Variants in GPR89B observed in about 807,000 individuals in gnomAD.
The protein encoded by GPR89B is golgi pH regulator B.
Under a neutral mutation model 52.4 loss-of-function variants are expected in GPR89B, and 25 were observed. The ratio of observed to expected loss-of-function variants is 0.48; its 90% CI spans 0.35 to 0.67. The LOEUF (loss-of-function observed/expected upper bound fraction) is 0.67, where lower values mean the gene tolerates loss of function less well. Ranked by LOEUF, GPR89B falls within the 30% of genes least tolerant of loss-of-function variation. The pLI is 0.01. For missense variants in GPR89B, 146 were observed against 450.2 expected (o/e 0.32, Z 6.11); for synonymous variants, 52 against 151.2 (o/e 0.34, Z 4.81).
At chr1:148,013,662 C>T in the GPR89B span, among the ~76,000 whole-genome samples, 1 of 152,028 alleles carries the variant, frequency 6.6e-6, no homozygotes, top group African/African-American at 2.4e-5. Context: ...CCAGGAGGAG[C>T]GAGGAGTCCT....
chr1:147,989,575 TC>T (rs1183191509), intron 12 of GPR89B, among the ~76,000 whole-genome samples: 2 of 151,818 alleles, frequency 1.3e-5, no homozygotes, highest in Admixed American at 1.3e-4. Flanking sequence ...ATGCTGTCCC[TC>T]CCCCCTTCCC....
At chr1:148,015,683 G>A in the GPR89B span, among the ~76,000 whole-genome samples, 1 of 149,608 alleles carries the variant, frequency 6.7e-6, no homozygotes, top group Non-Finnish European at 1.5e-5. Flanking sequence ...CTTTCCATAC[G>A]CTTTTGAAGT....
chr1:147,931,951 T>G (rs1204594432), intron 1 of GPR89B, among the ~76,000 whole-genome samples: 17 of 152,192 alleles, frequency 1.1e-4, no homozygotes. Context: ...TCTTTGTCAA[T>G]GTGAAAGGAG....
intron 5 of GPR89B, among the ~76,000 whole-genome samples, chr1:147,948,115 G>T (rs1655165130): frequency 6.6e-6 from 1 of 151,118 alleles, no homozygotes; most frequent in Admixed American, 6.6e-5. Flanking sequence ...ATCAAGGAGT[G>T]AACAGGTTGC....
At position 147,983,799 on chromosome 1, in the gene GPR89B, C is replaced by T. The variant is rs1347299861; in HGVS notation, c.910-2400C>T. 9.8e-3 allele frequency among the ~76,000 whole-genome samples: 1,494 copies of T among 151,926 alleles called. 21 individuals carry two copies. Among genetic ancestry groups the T allele is most frequent in the African/African-American group, 0.034 (1,428 of 41,406 alleles). On this transcript the variant is annotated intron_variant, in intron 10 of 13. Transcript: ENST00000314163. Reference sequence around the variant, plus strand: ...CTTCAGGGATCTAGAACTAGAAATACCATTTGACCCAGCCATCCCATTACT... The same window carrying T: ...CTTCAGGGATCTAGAACTAGAAATATCATTTGACCCAGCCATCCCATTACT...
the GPR89B span, chr1:148,024,814 G>A: frequency 6.6e-6 from 1 of 152,062 alleles, no homozygotes; most frequent in Non-Finnish European, 1.5e-5. Context: ...GGGACAGGGT[G>A]AATGGAAAAC....
At chr1:147,975,881 A>G (rs2149083288) in intron 10 of GPR89B, among the ~76,000 whole-genome samples, 1 of 152,174 alleles carries the variant, frequency 6.6e-6, no homozygotes, top group East Asian at 1.9e-4. Flanking sequence ...GTATCAAATA[A>G]CTTCTTGATT....
rs1283068786 is a variant in GPR89B at position 147,985,120 on chromosome 1, T to C, written c.910-1079T>C. Among the ~76,000 whole-genome samples the C allele has an allele frequency of 4.0e-3, 615 of 152,346 alleles. 4 individuals are homozygous for C. The highest frequency in any genetic ancestry group is 0.014 in the African/African-American group (579 of 41,570). ...TTTTTTATTTCTGTCAGTTTTGCTTTACGTATTTTGAAGCTCTGTCATTAG... is the reference window on the plus strand; with the variant it reads ...TTTTTTATTTCTGTCAGTTTTGCTTCACGTATTTTGAAGCTCTGTCATTAG... On this transcript the variant is annotated intron_variant, in intron 10 of 13. Transcript: ENST00000314163.
chr1:147,951,738 C>A (rs1412543603), intron 5 of GPR89B, among the ~76,000 whole-genome samples: 3 of 151,796 alleles, frequency 2.0e-5, no homozygotes, highest in Non-Finnish European at 2.9e-5. Context: ...TGCTTACCCC[C>A]CTGGCAGAAA....
At chr1:147,991,659 G>A (rs1228242727) in intron 12 of GPR89B, among the ~76,000 whole-genome samples, 2 of 152,126 alleles carry the variant, frequency 1.3e-5, no homozygotes, top group African/African-American at 4.8e-5. Context: ...AGCATGAAGG[G>A]CTGTTGAATT....
the GPR89B span, among the ~76,000 whole-genome samples, chr1:147,999,139 A>AG: frequency 1.3e-5 from 2 of 151,302 alleles, no homozygotes; most frequent in East Asian, 3.9e-4. Context: ...TAAGATCAGG[A>AG]GGGGTCAGAA....
chr1:148,012,435 C>A, the GPR89B span, among the ~76,000 whole-genome samples: 2 of 151,794 alleles, frequency 1.3e-5, no homozygotes, highest in Non-Finnish European at 2.9e-5. Flanking sequence ...CCTTCCTTAC[C>A]CTCTCCTGGC....
At chr1:147,963,394 T>A (rs868913993) in intron 7 of GPR89B, among the ~76,000 whole-genome samples, 2,128 of 124,518 alleles carry the variant, frequency 0.017, no homozygotes, top group African/African-American at 0.065. Flanking sequence ...AAAAAAAAAA[T>A]ACTGTTAAGA....
At chr1:148,009,594 T>C in the GPR89B span, 3 of 1,421,588 alleles carry the variant, frequency 2.1e-6, no homozygotes, top group African/African-American at 2.9e-5. Flanking sequence ...ATCCACAACC[T>C]AGGAGGGAAG....
intron 2 of GPR89B, among the ~76,000 whole-genome samples, chr1:147,937,960 A>G (rs1553248244): frequency 6.6e-6 from 1 of 152,230 alleles, no homozygotes; most frequent in African/African-American, 2.4e-5. Context: ...AATCTTCACA[A>G]TTTATGTTCA....
chr1:147,945,798 C>T (rs1281226171), intron 5 of GPR89B, among the ~76,000 whole-genome samples: 1 of 150,758 alleles, frequency 6.6e-6, no homozygotes. Context: ...GATCTTGGCT[C>T]ACTGCAACCT....
At chr1:147,991,176 T>C (rs1268213811) in intron 12 of GPR89B, among the ~76,000 whole-genome samples, 3 of 151,346 alleles carry the variant, frequency 2.0e-5, no homozygotes, top group African/African-American at 7.3e-5. Flanking sequence ...CCCTTGTAAA[T>C]TGGATTCCTA....
chr1:147,999,436 TA>T, the GPR89B span, among the ~76,000 whole-genome samples: 3 of 146,210 alleles, frequency 2.1e-5, no homozygotes, highest in African/African-American at 7.7e-5. Flanking sequence ...GTAAAACTAC[TA>T]AAATACAAAA....
chr1:147,978,896 A>G (rs1290058426), intron 10 of GPR89B, among the ~76,000 whole-genome samples: 1 of 150,898 alleles, frequency 6.6e-6, no homozygotes, highest in Non-Finnish European at 1.5e-5. Flanking sequence ...GTCTTAGGCA[A>G]TCTCCAGCCT....
Sources: gnomAD v4.1 joint callset for allele counts (sites outside exome capture counted in the v4.1 genomes callset) on GRCh38, gnomAD v4.1.1 for gene constraint, MANE v1.5 for transcripts, NCBI Gene and HGNC (gene_info 2026-07-23, HGNC 2026-07-21) for gene names.